ATP13A4: variants seen among roughly 807,000 people sequenced by gnomAD.
ATP13A4 encodes probable cation-transporting ATPase 13A4.
In ATP13A4, 114 loss-of-function variants were observed where a neutral mutation model predicts 142.5. That is an observed-to-expected ratio of 0.80 (90% CI 0.69 to 0.93). ATP13A4 has a LOEUF of 0.93. Ranked by LOEUF, ATP13A4 falls within the 40% of genes least tolerant of loss-of-function variation. ATP13A4 has a pLI of 0.00. For missense variants in ATP13A4, 1,392 were observed against 1,454.0 expected (o/e 0.96, Z 0.69); for synonymous variants, 488 against 514.8 (o/e 0.95, Z 0.70).
chr3:193,480,162 A>G (rs1719206757), intron 8 of ATP13A4, among the ~76,000 whole-genome samples: 1 of 152,224 alleles, frequency 6.6e-6, no homozygotes. Flanking sequence ...TAAAAATCCT[A>G]GAAGATAGCA....
intron 1 of ATP13A4, among the ~76,000 whole-genome samples, chr3:193,548,854 A>G (rs1379533893): frequency 6.6e-6 from 1 of 152,214 alleles, no homozygotes; most frequent in Non-Finnish European, 1.5e-5. Flanking sequence ...GAAGTCCAAA[A>G]AGAGTTTACC....
rs568715784 is a variant in ATP13A4, at chr3:193,501,405, T to C, written c.381+1088A>G. On this transcript the variant is annotated intron_variant, in intron 3 of 29. Transcript: ENST00000342695. ...GAGTTCAAGACCAGCCTGGCCAACA[T>C]GGTGAAATTCCGTCTCTACTGAAAA... is the stretch of plus-strand genomic sequence containing the variant. Among the ~76,000 whole-genome samples the C allele has an allele frequency of 2.6e-5, 4 of 152,164 alleles. No individual in the cohort carries two copies. In the South Asian group the frequency reaches 6.2e-4, roughly 24 times the overall value.
At chr3:193,591,455 T>C (rs1191800878) in intron 1 of ATP13A4, among the ~76,000 whole-genome samples, 1 of 152,242 alleles carries the variant, frequency 6.6e-6, no homozygotes, top group East Asian at 1.9e-4. Context: ...TGCCCTTTTT[T>C]CATGGCAACA....
chr3:193,568,254 C>T (rs753172002), intron 2 of ATP13A4, among the ~76,000 whole-genome samples: 6 of 152,164 alleles, frequency 3.9e-5, no homozygotes, highest in Non-Finnish European at 7.4e-5. Flanking sequence ...AGCCACCGTG[C>T]CCAGCCAAGC....
intron 9 of ATP13A4, among the ~76,000 whole-genome samples, chr3:193,469,582 C>T (rs1396393115): frequency 2.0e-5 from 3 of 152,176 alleles, no homozygotes; most frequent in African/African-American, 7.2e-5. Flanking sequence ...GAGCCAAGAT[C>T]AAGCTACTGC....
intron 1 of ATP13A4, among the ~76,000 whole-genome samples, chr3:193,592,595 T>C (rs950385166): frequency 1.3e-5 from 2 of 152,150 alleles, no homozygotes; most frequent in African/African-American, 4.8e-5. Context: ...GGGCTTAAAA[T>C]CCGGAAGAAA....
At chr3:193,486,654 T>C (rs538552739) in intron 7 of ATP13A4, among the ~76,000 whole-genome samples, 2 of 152,310 alleles carry the variant, frequency 1.3e-5, no homozygotes, top group South Asian at 2.1e-4. Flanking sequence ...AATTTTTTGA[T>C]ATTAAGGTGG....
rs148344277 is a variant in ATP13A4, at chr3:193,523,585, C to T, written c.61-8714G>A. ...AGAGCTTCAGAGTTGACAAACACAA[C>T]CATTTACCAGGAGGGTATGGTACTC... On this transcript the variant is annotated intron_variant, in intron 1 of 29. Transcript: ENST00000342695. 3.6e-3 allele frequency among the ~76,000 whole-genome samples: 553 copies of T among 152,334 alleles called. 9 individuals carry two copies. Among genetic ancestry groups the T allele is most frequent in the African/African-American group, 0.012 (510 of 41,582 alleles).
chr3:193,412,674 A>C (rs1395610667), intron 26 of ATP13A4, among the ~76,000 whole-genome samples: 1 of 152,180 alleles, frequency 6.6e-6, no homozygotes, highest in East Asian at 1.9e-4. Flanking sequence ...AATTATGCAC[A>C]TTCATTAAGG....
intron 23 of ATP13A4, among the ~76,000 whole-genome samples, chr3:193,437,123 C>A (rs1229393127): frequency 6.9e-6 from 1 of 144,220 alleles, no homozygotes; most frequent in Non-Finnish European, 1.5e-5. Context: ...AAAAAAAAAA[C>A]CTGATCCTCA....
At chr3:193,542,965 A>C (rs1347948234) in intron 1 of ATP13A4, among the ~76,000 whole-genome samples, 12 of 152,302 alleles carry the variant, frequency 7.9e-5, no homozygotes, top group African/African-American at 2.9e-4. Flanking sequence ...GGAGATCGAG[A>C]CCATCCTGGC....
rs781027036 is a variant in ATP13A4 at position 193,467,451 on chromosome 3, T to G, written c.979A>C (p.Lys327Gln). The G allele has an allele frequency of 1.2e-6, 2 of 1,613,874 alleles. No homozygotes were observed. The highest frequency in any genetic ancestry group is 1.7e-6 in the Non-Finnish European group (2 of 1,179,990). The change falls in exon 10 of 30, where the codon AAG becomes CAG. Residue 327 changes from lysine to glutamine, a missense_variant. By Grantham distance (53) the Lys-to-Gln change is moderately conservative. Coordinates refer to ENST00000342695, the MANE Select transcript of ATP13A4 (RefSeq NM_032279.4). ...SIPVTKTPLP[K>Q]MDSSVPWKTQ... Reference sequence around the variant, plus strand: ...TTCCAGGGCACAGAGCTATCCATCTTGGGTAACGGAGTTTTGGTGACTGGA... The same window carrying G: ...TTCCAGGGCACAGAGCTATCCATCTGGGGTAACGGAGTTTTGGTGACTGGA...
chr3:193,495,409 C>T (rs1328667777), intron 3 of ATP13A4, among the ~76,000 whole-genome samples: 1 of 152,042 alleles, frequency 6.6e-6, no homozygotes, highest in Non-Finnish European at 1.5e-5. Flanking sequence ...TGGAATTCAT[C>T]CCAGGATACA....
At chr3:193,459,464 T>C (rs986456458) in intron 13 of ATP13A4, among the ~76,000 whole-genome samples, 1 of 152,232 alleles carries the variant, frequency 6.6e-6, no homozygotes, top group Non-Finnish European at 1.5e-5. Context: ...TCTCACTCTA[T>C]CACTCTGTCA....
intron 1 of ATP13A4, among the ~76,000 whole-genome samples, chr3:193,546,126 A>G (rs1723211378): frequency 6.6e-6 from 1 of 152,066 alleles, no homozygotes; most frequent in African/African-American, 2.4e-5. Context: ...AGTGATCTTT[A>G]TAGTCTTTTA....
At position 193,474,033 on chromosome 3, in the gene ATP13A4, G is replaced by A. The variant is rs1343211801; in HGVS notation, c.809-3040C>T. On this transcript the variant is annotated intron_variant, in intron 8 of 29. Transcript: ENST00000342695. ...TGTCTTTGTCTTTCAGAAATACACAGTAGAGGCCAGGCGCGGTGGCTCACA... is the reference window on the plus strand; with the variant it reads ...TGTCTTTGTCTTTCAGAAATACACAATAGAGGCCAGGCGCGGTGGCTCACA... Among the ~76,000 whole-genome samples the A allele has an allele frequency of 4.6e-5, 7 of 152,024 alleles. No individual in the cohort carries two copies. In the East Asian group the frequency reaches 1.4e-3, roughly 29 times the overall value.
chr3:193,458,213 A>G (rs1007126800), intron 14 of ATP13A4, among the ~76,000 whole-genome samples: 7 of 152,220 alleles, frequency 4.6e-5, no homozygotes, highest in Non-Finnish European at 8.8e-5. Context: ...CGAGAGCTAT[A>G]TGCAGCTCAG....
At chr3:193,548,802 G>C (rs1033938482) in intron 1 of ATP13A4, among the ~76,000 whole-genome samples, 46 of 152,334 alleles carry the variant, frequency 3.0e-4, no homozygotes, top group African/African-American at 1.1e-3. Context: ...CCACCCTGCT[G>C]CCACGTTATG....
At chr3:193,470,813 G>A (rs1276225296) in intron 9 of ATP13A4, 46 bp downstream of exon 9, 1 of 1,613,080 alleles carries the variant, frequency 6.2e-7, no homozygotes, top group Non-Finnish European at 8.5e-7. Flanking sequence ...AGCGTGGAGT[G>A]TGGGCCAGCC....
Sources: allele counts gnomAD v4.1 joint callset (sites outside exome capture counted in the v4.1 genomes callset), GRCh38; gene constraint gnomAD v4.1.1; transcripts MANE v1.5; gene names NCBI Gene and HGNC (gene_info 2026-07-23, HGNC 2026-07-21).